MTAP: variants seen among roughly 807,000 people sequenced by gnomAD.
MTAP encodes methylthioadenosine phosphorylase.
Under a neutral mutation model 33.6 loss-of-function variants are expected in MTAP, and 33 were observed. The observed-to-expected ratio is 0.98, with a 90% CI of 0.74 to 1.31. The LOEUF (loss-of-function observed/expected upper bound fraction) is 1.31. Among genes scored for constraint, MTAP ranks in the 40% most tolerant of loss-of-function variants. MTAP has a pLI of 0.00. For synonymous variants in MTAP, 148 were observed against 125.7 expected (o/e 1.18, Z -1.19); for missense variants, 367 against 360.0 (o/e 1.02, Z -0.16).
At chr9:21,912,575 T>G (rs575605046) in intron 1 of MTAP, among the ~76,000 whole-genome samples, 2 of 152,258 alleles carry the variant, frequency 1.3e-5, no homozygotes, top group South Asian at 2.1e-4. Flanking sequence ...TTCGATAAAA[T>G]TGAACAGCGC....
In MTAP at chr9:21,864,984, A is replaced by T. The variant is rs1418904905; in HGVS notation, c.*2970A>T. On this transcript the variant is annotated 3_prime_UTR_variant, in exon 8 of 8. Transcript: ENST00000644715. ...GCATTTAGCCAGCACTTATCCAGTG[A>T]AACAATTTGATAAGGTTTCAAGGAG... 2 of 985,322 alleles carry T rather than the reference A, an allele frequency of 2.0e-6. No individual in the cohort carries two copies. The highest frequency in any genetic ancestry group is 2.4e-6 in the Non-Finnish European group (2 of 829,910). 61.0% of individuals were successfully genotyped at this position (985,322 alleles called of 1,614,324 possible).
At chr9:21,823,169 C>G (rs1011504678) in intron 4 of MTAP, among the ~76,000 whole-genome samples, 11 of 152,140 alleles carry the variant, frequency 7.2e-5, no homozygotes, top group Non-Finnish European at 7.3e-5. Context: ...GATCCTGTCA[C>G]TATGATGTTA....
intron 1 of MTAP, among the ~76,000 whole-genome samples, chr9:21,905,548 A>G (rs967020100): frequency 6.6e-6 from 1 of 152,210 alleles, no homozygotes; most frequent in African/African-American, 2.4e-5. Flanking sequence ...TAGAAAATAT[A>G]AAATTTTTTC....
chr9:21,931,103 G>A (rs1016949605), exon 2 of MTAP: 2 of 763,538 alleles, frequency 2.6e-6, no homozygotes, highest in Non-Finnish European at 4.8e-6. Flanking sequence ...TCCCATCAGT[G>A]GGACATGGCA....
At chr9:21,820,810 G>C (rs574260428) in intron 4 of MTAP, among the ~76,000 whole-genome samples, 1 of 152,240 alleles carries the variant, frequency 6.6e-6, no homozygotes, top group East Asian at 1.9e-4. Flanking sequence ...TTGAGCAGTG[G>C]TTTGTAGTTC....
intron 4 of MTAP, among the ~76,000 whole-genome samples, chr9:21,832,293 G>T (rs1824986577): frequency 6.6e-6 from 1 of 152,178 alleles, no homozygotes; most frequent in African/African-American, 2.4e-5. Context: ...AAAGGCCCGT[G>T]TCTGGGCCCT....
At chr9:21,883,290 T>C (rs1291677937) in intron 1 of MTAP, among the ~76,000 whole-genome samples, 2 of 152,098 alleles carry the variant, frequency 1.3e-5, no homozygotes, top group African/African-American at 4.8e-5. Flanking sequence ...CTCAACCTTC[T>C]TAGTGATAAG....
In MTAP at chr9:21,818,079, A is replaced by G. The variant is rs764365358; in HGVS notation, c.224A>G (p.Gln75Arg). The G allele has an allele frequency of 2.7e-5, 43 of 1,613,510 alleles. No individual in the cohort carries two copies. The highest frequency in any genetic ancestry group is 1.6e-4 in the Middle Eastern group (1 of 6,082). Residue 75 changes from glutamine (Q) to arginine (R), a missense_variant, in exon 4 of 8, where the codon CAG becomes CGG. By Grantham distance (43) the Gln-to-Arg change is conservative (BLOSUM62 1). Coordinates refer to ENST00000644715, the MANE Select transcript of MTAP (RefSeq NM_002451.4). ...ATCATGCCTTCAAAGGTCAACTACC[A>G]GGCGAACATCTGGGCTTTGAAGGAA... The part of the protein sequence containing the change: ...HTIMPSKVNY[Q>R]ANIWALKEEG...
At chr9:21,818,276 C>G in intron 4 of MTAP, 74 bp downstream of exon 4, 1 of 1,283,460 alleles carries the variant, frequency 7.8e-7, no homozygotes, top group South Asian at 1.3e-5. Flanking sequence ...CGCGTGGGAA[C>G]CGGCAGGGCA....
chr9:21,806,437 G>A (rs1824209174), intron 1 of MTAP, among the ~76,000 whole-genome samples: 1 of 152,114 alleles, frequency 6.6e-6, no homozygotes, highest in African/African-American at 2.4e-5. Context: ...AGGAGGGTGA[G>A]TGTAGGATTC....
At chr9:21,898,149 T>C (rs1818328355) in intron 1 of MTAP, among the ~76,000 whole-genome samples, 1 of 152,336 alleles carries the variant, frequency 6.6e-6, no homozygotes, top group African/African-American at 2.4e-5. Flanking sequence ...CCCTATTTAA[T>C]AAATGATGCT....
rs200327874 is a variant in MTAP, at chr9:21,854,744, C to T, written c.564C>T (p.Thr188=). 8.7e-6 allele frequency: 14 copies of T among 1,614,122 alleles called. No homozygotes were observed. Among genetic ancestry groups the T allele is most frequent in the African/African-American group, 1.3e-5 (1 of 75,036 alleles). ...GGGCAGAAAGCTTCATGTTCCGCAC[C>T]TGGGGGGCGGATGTTATCAACATGA... ...SSRAESFMFR[T]WGADVINMTT... The change falls in exon 6 of 8, where the codon ACC becomes ACT. Residue 188 remains threonine, a synonymous_variant. Transcript: ENST00000644715.
intron 1 of MTAP, among the ~76,000 whole-genome samples, chr9:21,928,878 A>C (rs1013006088): frequency 1.3e-5 from 2 of 151,776 alleles, no homozygotes; most frequent in Middle Eastern, 3.4e-3. Context: ...ATTCAGACTT[A>C]TCTGATACTA....
chr9:21,845,505 G>T (rs943452823), intron 5 of MTAP, among the ~76,000 whole-genome samples: 5 of 152,104 alleles, frequency 3.3e-5, no homozygotes, highest in African/African-American at 1.2e-4. Flanking sequence ...GAACACTGCT[G>T]AAAGAAATTA....
At chr9:21,809,906 C>T (rs1326961784) in intron 1 of MTAP, among the ~76,000 whole-genome samples, 5 of 152,166 alleles carry the variant, frequency 3.3e-5, no homozygotes, top group Admixed American at 3.3e-4. Context: ...AGGGAGAGTC[C>T]TCCTCTAAAA....
chr9:21,933,601 T>A (rs754975418), downstream of MTAP: 1 of 152,224 alleles, frequency 6.6e-6, no homozygotes, highest in Non-Finnish European at 1.5e-5. Flanking sequence ...AAAAAAATCT[T>A]GTTTTTTCTC....
At chr9:21,855,880 T>G (rs1825630871) in intron 6 of MTAP, among the ~76,000 whole-genome samples, 1 of 152,208 alleles carries the variant, frequency 6.6e-6, no homozygotes, top group Non-Finnish European at 1.5e-5. Flanking sequence ...AAAAGGTCTT[T>G]TTAAAATTAA....
At chr9:21,911,103 C>T (rs1290942931) in intron 1 of MTAP, among the ~76,000 whole-genome samples, 1 of 152,114 alleles carries the variant, frequency 6.6e-6, no homozygotes, top group Non-Finnish European at 1.5e-5. Context: ...TATATGCACC[C>T]AATACAGGAG....
chr9:21,895,805 G>A (rs953536820), intron 1 of MTAP, among the ~76,000 whole-genome samples: 7 of 152,266 alleles, frequency 4.6e-5, no homozygotes, highest in South Asian at 2.1e-4. Flanking sequence ...TAAACAAAGC[G>A]GCCAGGAAGC....
Sources: allele counts gnomAD v4.1 joint callset (sites outside exome capture counted in the v4.1 genomes callset), GRCh38; gene constraint gnomAD v4.1.1; transcripts MANE v1.5; gene names NCBI Gene and HGNC (gene_info 2026-07-23, HGNC 2026-07-21).